The following KYAT1 variants were observed in gnomAD, a reference collection of about 807,000 sequenced individuals.
KYAT1 encodes the protein kynurenine aminotransferase 1.
Under a neutral mutation model 52.4 loss-of-function variants are expected in KYAT1, and 47 were observed. The observed-to-expected ratio is 0.90, with a 90% CI of 0.71 to 1.14. The LOEUF (loss-of-function observed/expected upper bound fraction) is 1.14, where lower values mean the gene tolerates loss of function less well. KYAT1 is among the 50% of genes most tolerant of loss of function. The probability of loss-of-function intolerance (pLI) is 0.00; values close to 1 mark genes in which losing one functional copy is unlikely to be tolerated. For synonymous variants in KYAT1, 212 were observed against 209.6 expected (o/e 1.01, Z -0.10); for missense variants, 480 against 557.9 (o/e 0.86, Z 1.41).
rs1399032785 is a variant in KYAT1 at position 128,833,319 on chromosome 9, A to T, written c.*265T>A. The T allele has an allele frequency of 1.7e-6, 1 of 583,696 alleles. No individual in the cohort carries two copies. Among genetic ancestry groups the T allele is most frequent in the Admixed American group, 3.0e-5 (1 of 33,246 alleles). The allele number at this position is 583,696 out of a possible 1,614,324, so 36.2% of individuals were successfully genotyped here. On this transcript the variant is annotated 3_prime_UTR_variant, in exon 13 of 13. Coordinates refer to ENST00000302586, the MANE Select transcript of KYAT1 (RefSeq NM_004059.5). The stretch of plus-strand genomic sequence containing the variant: ...CTCAGCCAAGCCTGGAGAGACCAGA[A>T]GCAACACAAGACCCTACAAACCCAC...
In KYAT1 at chr9:128,842,762, C is replaced by A. The variant is rs376709202; in HGVS notation, c.93G>T (p.Val31=). ...FVKLASEHDV[V]NLGQGFPDFP... ...AATCCGGGAAGCCCTGGCCCAAGTT[C>A]ACGACGTCATGCTCACTGGCCAGTT... Residue 31 remains valine, a synonymous_variant, in exon 3 of 13, where the codon GTG becomes GTT. Coordinates refer to ENST00000302586, the MANE Select transcript of KYAT1 (RefSeq NM_004059.5). 7.4e-6 allele frequency: 12 copies of A among 1,614,144 alleles called. 1 individual carries two copies. Among genetic ancestry groups the A allele is most frequent in the Middle Eastern group, 1.7e-4 (1 of 6,056 alleles).
At chr9:128,867,835 C>A (rs183120813) in intron 1 of KYAT1, among the ~76,000 whole-genome samples, 118 of 152,296 alleles carry the variant, frequency 7.7e-4, no homozygotes, top group African/African-American at 2.5e-3. Context: ...TGCAGTGGCG[C>A]GATCTTGGCT....
intron 1 of KYAT1, among the ~76,000 whole-genome samples, chr9:128,857,704 T>C (rs560186970): frequency 1.1e-4 from 16 of 152,144 alleles, no homozygotes; most frequent in East Asian, 1.9e-4. Context: ...GGCGTGGTGG[T>C]GGGCACCTGC....
chr9:128,846,917 C>A, intron 1 of KYAT1: 1 of 1,404,466 alleles, frequency 7.1e-7, no homozygotes, highest in South Asian at 1.3e-5. Flanking sequence ...TCGCTCAGTT[C>A]CCACTGCACT....
At chr9:128,878,178 A>C (rs972679807) in intron 1 of KYAT1, among the ~76,000 whole-genome samples, 2 of 151,472 alleles carry the variant, frequency 1.3e-5, no homozygotes, top group African/African-American at 4.9e-5. Flanking sequence ...TCTATCGCCC[A>C]GGCTGGAGTG....
chr9:128,880,282 CAATA>C (rs1838626056), intron 1 of KYAT1, among the ~76,000 whole-genome samples: 1 of 152,068 alleles, frequency 6.6e-6, no homozygotes, highest in African/African-American at 2.4e-5. Context: ...CACATCATGT[CAATA>C]AATAGTTACT....
chr9:128,839,305 G>C (rs1204380042), intron 3 of KYAT1, among the ~76,000 whole-genome samples: 1 of 152,162 alleles, frequency 6.6e-6, no homozygotes, highest in African/African-American at 2.4e-5. Context: ...GAGACCCAGA[G>C]AGAAGAAATT....
chr9:128,836,010 G>A lies in KYAT1; in HGVS notation c.752C>T (p.Ala251Val), dbSNP rs1411556388. 6.2e-7 allele frequency: 1 copy of A among 1,613,700 alleles called. No individual in the cohort carries two copies. Among genetic ancestry groups the A allele is most frequent in the East Asian group, 2.2e-5 (1 of 44,858 alleles). The change falls in exon 8 of 13, where the codon GCC (alanine) becomes GTC (valine). Residue 251 changes from alanine to valine, a missense_variant. Coordinates refer to ENST00000302586, the MANE Select transcript of KYAT1 (RefSeq NM_004059.5). ...TIGSAGKTFS[A>V]TGWKVGWVLG... is the part of the protein sequence containing the mutation. ...TCAGCAACTCACCTTCCAGCCAGTG[G>A]CGCTGAAGGTCTTGCCGGCGCTGCC...
Position 128,842,690 on chromosome 9 carries a change from A to G in KYAT1, c.165T>C (p.Ser55=). ...TGTACTGGTTAAGCATGAAGTCTCC[A>G]CTGACAGCGTGCTGAAAGGCTTCCA... is the stretch of plus-strand genomic sequence containing the variant. ...FAVEAFQHAV[S]GDFMLNQYTK... Residue 55 remains serine (S), a synonymous_variant, in exon 3 of 13, where the codon AGT becomes AGC. Transcript: ENST00000302586. 6.2e-7 allele frequency: 1 copy of G among 1,614,166 alleles called. No individual in the cohort carries two copies. Among genetic ancestry groups the G allele is most frequent in the Non-Finnish European group, 8.5e-7 (1 of 1,180,026 alleles).
chr9:128,850,554 G>A (rs1404986844), intron 1 of KYAT1, among the ~76,000 whole-genome samples: 2 of 152,188 alleles, frequency 1.3e-5, no homozygotes, highest in East Asian at 1.9e-4. Context: ...AAGCCACAGG[G>A]ACCTCTGCCT....
At chr9:128,858,023 T>C (rs868114478) in intron 1 of KYAT1, among the ~76,000 whole-genome samples, 1 of 152,038 alleles carries the variant, frequency 6.6e-6, no homozygotes, top group Non-Finnish European at 1.5e-5. Flanking sequence ...AGGATACCCA[T>C]TAAGAAAATG....
intron 3 of KYAT1, among the ~76,000 whole-genome samples, chr9:128,841,440 C>T (rs538112815): frequency 5.3e-4 from 81 of 151,632 alleles, no homozygotes; most frequent in African/African-American, 1.8e-3. Context: ...GAGGCGGAGG[C>T]GGAGGCGGAG....
At chr9:128,875,370 T>C (rs898870765) in intron 1 of KYAT1, among the ~76,000 whole-genome samples, 4 of 151,474 alleles carry the variant, frequency 2.6e-5, no homozygotes, top group African/African-American at 7.3e-5. Context: ...TCCCAGCACT[T>C]TGGGAGGCCG....
chr9:128,862,496 C>T (rs1040189522), intron 1 of KYAT1, among the ~76,000 whole-genome samples: 1 of 152,222 alleles, frequency 6.6e-6, no homozygotes, highest in African/African-American at 2.4e-5. Context: ...GCAGATTGTA[C>T]ACCTGGTGCC....
intron 1 of KYAT1, among the ~76,000 whole-genome samples, chr9:128,854,147 T>C (rs1379273820): frequency 6.6e-6 from 1 of 152,164 alleles, no homozygotes; most frequent in Admixed American, 6.5e-5. Flanking sequence ...AAATCCCTTA[T>C]AATTCCCAAG....
At chr9:128,842,618 TC>T (rs1260963704) in intron 3 of KYAT1, 35 bp downstream of exon 3, 1 of 1,600,344 alleles carries the variant, frequency 6.2e-7, no homozygotes, top group Non-Finnish European at 8.5e-7. Flanking sequence ...GTCCCCTTCC[TC>T]CCCCAGTGCC....
intron 1 of KYAT1, among the ~76,000 whole-genome samples, chr9:128,862,719 G>C (rs1205055247): frequency 6.6e-6 from 1 of 152,210 alleles, no homozygotes; most frequent in East Asian, 1.9e-4. Flanking sequence ...TGCAGCCTTG[G>C]GGGTGGGGCT....
intron 6 of KYAT1, among the ~76,000 whole-genome samples, 193 bp downstream of exon 6, chr9:128,837,492 C>T (rs993732907): frequency 2.2e-4 from 33 of 152,290 alleles, no homozygotes; most frequent in Middle Eastern, 3.4e-3. Flanking sequence ...GTTCACTGTC[C>T]CAGCCCTCAG....
intron 6 of KYAT1, among the ~76,000 whole-genome samples, chr9:128,837,425 C>G (rs1040375424): frequency 6.6e-6 from 1 of 152,206 alleles, no homozygotes; most frequent in African/African-American, 2.4e-5. Flanking sequence ...TGAGATACTT[C>G]GAGAGGCATA....
Sources: gnomAD v4.1 joint callset for allele counts (sites outside exome capture counted in the v4.1 genomes callset) on GRCh38, gnomAD v4.1.1 for gene constraint, MANE v1.5 for transcripts, NCBI Gene and HGNC (gene_info 2026-07-23, HGNC 2026-07-21) for gene names.